STOX2: variants seen among roughly 807,000 people sequenced by gnomAD.
The protein encoded by STOX2 is storkhead-box protein 2.
Under a neutral mutation model 60.9 loss-of-function variants are expected in STOX2, and 28 were observed. That is an observed-to-expected ratio of 0.46 (90% CI 0.34 to 0.63). The LOEUF (loss-of-function observed/expected upper bound fraction) is 0.63. Among genes scored for constraint, STOX2 ranks in the 30% least tolerant of loss-of-function variants. The pLI is 0.01. For missense variants in STOX2, 1,024 were observed against 1,187.7 expected, an observed-to-expected ratio of 0.86 and a Z score of 2.03; for synonymous variants, 472 against 463.9, an observed-to-expected ratio of 1.02 and a Z score of -0.22.
chr4:183,841,128 G>A (rs571390786), intron 1 of STOX2, among the ~76,000 whole-genome samples: 4 of 152,178 alleles, frequency 2.6e-5, no homozygotes, highest in African/African-American at 7.2e-5. Context: ...CCGACCTCCC[G>A]TGCTGGGATT....
chr4:183,864,614 G>T (rs777877786), intron 1 of STOX2, among the ~76,000 whole-genome samples: 6 of 152,018 alleles, frequency 3.9e-5, no homozygotes, highest in Admixed American at 3.9e-4. Flanking sequence ...GGCTGGTCTC[G>T]AACTCCTGAC....
At chr4:183,800,653 G>T (rs1223580243) in intron 1 of STOX2, among the ~76,000 whole-genome samples, 1 of 152,200 alleles carries the variant, frequency 6.6e-6, no homozygotes, top group Non-Finnish European at 1.5e-5. Flanking sequence ...AAGCTCATCA[G>T]TTACCAATAG....
At chr4:183,818,611 T>C (rs1739213257) in intron 1 of STOX2, among the ~76,000 whole-genome samples, 2 of 152,326 alleles carry the variant, frequency 1.3e-5, no homozygotes, top group East Asian at 3.9e-4. Context: ...AGCTGTTGAG[T>C]ACACCTCCCA....
At chr4:183,883,860 A>AT (rs34233454) in intron 1 of STOX2, among the ~76,000 whole-genome samples, 1 of 105,190 alleles carries the variant, frequency 9.5e-6, no homozygotes, top group African/African-American at 3.2e-5. Flanking sequence ...ATTTTATTTT[A>AT]TTTTTTTTTG....
upstream of STOX2, chr4:183,905,304 A>C (rs1456104887): frequency 1.3e-5 from 2 of 152,180 alleles, no homozygotes; most frequent in Non-Finnish European, 2.9e-5. Flanking sequence ...TGGTTGTTGG[A>C]CCAGAAACAG....
At chr4:183,891,450 A>T (rs953374733) in intron 1 of STOX2, among the ~76,000 whole-genome samples, 6 of 147,174 alleles carry the variant, frequency 4.1e-5, no homozygotes, top group African/African-American at 1.5e-4. Flanking sequence ...AATTAATGGC[A>T]TTTGCAGCAA....
Position 184,001,556 on chromosome 4 carries a change from C to A in STOX2, c.319+79C>A. The A allele has an allele frequency of 7.2e-7, 1 of 1,397,916 alleles. No individual in the cohort carries two copies. Among genetic ancestry groups the A allele is most frequent in the Non-Finnish European group, 9.8e-7 (1 of 1,020,984 alleles). The allele number at this position is 1,397,916 out of a possible 1,614,324, so 86.6% of individuals were successfully genotyped here. On this transcript the variant is annotated intron_variant, in intron 2 of 3. Coordinates refer to ENST00000308497, the MANE Select transcript of STOX2 (RefSeq NM_020225.3). The surrounding 1 kb of genome is among the most constrained non-coding windows in gnomAD (Gnocchi z 4.2). The stretch of plus-strand genomic sequence containing the variant: ...TAGGACTCACGTGGACTGTTCTGCC[C>A]ATGTTTAAAGAGAATAGGAAAACAT...
intron 3 of STOX2, chr4:184,014,325 C>CAAA (rs1734279600): frequency 2.6e-5 from 4 of 151,952 alleles, no homozygotes; most frequent in Admixed American, 2.6e-4. Flanking sequence ...AAAGTCTTGA[C>CAAA]GTGAGAAGCC....
At chr4:183,901,750 T>C (rs1741466748), upstream of STOX2, among the ~76,000 whole-genome samples, 2 of 152,184 alleles carry the variant, frequency 1.3e-5, no homozygotes, top group Admixed American at 6.5e-5. Flanking sequence ...GAAATCTCTA[T>C]TCAAGTCCTT....
rs546273977 is a variant in STOX2 at position 183,947,147 on chromosome 4, T to C, written c.166+40191T>C. Among the ~76,000 whole-genome samples the C allele has an allele frequency of 7.2e-5, 11 of 152,306 alleles. No homozygotes were observed. In the South Asian group the frequency reaches 2.3e-3, roughly 32 times the overall value. ...CAGCAAGAAATAACTGTATTTGCAG[T>C]GAACTCTTGCACATCCTCCTGTATA... On this transcript the variant is annotated intron_variant, in intron 1 of 3. Transcript: ENST00000308497.
intron 1 of STOX2, among the ~76,000 whole-genome samples, chr4:183,826,346 G>C (rs1739431485): frequency 6.6e-6 from 1 of 152,056 alleles, no homozygotes. Context: ...CAGCGAACCT[G>C]TTCCCCTGAG....
At chr4:183,861,308 T>TG (rs10709509) in intron 1 of STOX2, among the ~76,000 whole-genome samples, 82,412 of 151,844 alleles carry the variant, frequency 0.54, 22,667 homozygotes, top group African/African-American at 0.6. Flanking sequence ...CCCGTTACCT[T>TG]GGGGGGGTCC....
chr4:183,813,101 A>C (rs1191982411), intron 1 of STOX2, among the ~76,000 whole-genome samples: 1 of 152,164 alleles, frequency 6.6e-6, no homozygotes, highest in African/African-American at 2.4e-5. Context: ...AAACCAATAC[A>C]GGCAGGGCAT....
chr4:183,905,095 C>G (rs964450582), upstream of STOX2, among the ~76,000 whole-genome samples: 1 of 152,164 alleles, frequency 6.6e-6, no homozygotes, highest in Non-Finnish European at 1.5e-5. Flanking sequence ...TTTTGAAAAC[C>G]CAAATCGAGG....
chr4:183,909,172 A>T (rs1016072884), intron 1 of STOX2, among the ~76,000 whole-genome samples: 4 of 152,220 alleles, frequency 2.6e-5, no homozygotes, highest in African/African-American at 9.7e-5. Flanking sequence ...AAGGATGTGT[A>T]TCTTCATCTA....
rs1254737049 is a variant in STOX2 at position 183,877,516 on chromosome 4, G to T, written c.364+79461G>T. ...TACTTTTGACCAAGGGAGAAAATAG[G>T]GTCTGTAACTTTGTTGCAGAGCCGT... On this transcript the variant is annotated intron_variant, in intron 1 of 2. Coordinates refer to the STOX2 transcript ENST00000513034. Among the ~76,000 whole-genome samples the T allele has an allele frequency of 2.0e-5, 3 of 152,276 alleles. No individual in the cohort carries two copies. The South Asian group carries it at 6.2e-4, about 32-fold the overall frequency.
chr4:183,946,952 T>A (rs1356494893), intron 1 of STOX2, among the ~76,000 whole-genome samples: 1 of 152,132 alleles, frequency 6.6e-6, no homozygotes, highest in Non-Finnish European at 1.5e-5. Context: ...AGTATTTACG[T>A]TGTATTATGT....
At chr4:183,915,942 C>T (rs965829423) in intron 1 of STOX2, among the ~76,000 whole-genome samples, 5 of 152,242 alleles carry the variant, frequency 3.3e-5, no homozygotes, top group Admixed American at 1.3e-4. Flanking sequence ...GACACTAGTC[C>T]GCCACCTCTG....
chr4:183,951,444 C>CTCT (rs1553980977), intron 1 of STOX2, among the ~76,000 whole-genome samples: 7 of 66,466 alleles, frequency 1.1e-4, no homozygotes, highest in African/African-American at 3.5e-4. Context: ...CTCTCTCTCT[C>CTCT]TTTTTTTTTT....
Sources: gnomAD v4.1 joint callset for allele counts (sites outside exome capture counted in the v4.1 genomes callset) on GRCh38, gnomAD v4.1.1 for gene constraint, Gnocchi (gnomAD v3.1) non-coding constraint, MANE v1.5 for transcripts, NCBI Gene and HGNC (gene_info 2026-07-23, HGNC 2026-07-21) for gene names.